SGCZ: variants seen among roughly 807,000 people sequenced by gnomAD.
SGCZ encodes the protein sarcoglycan zeta, also known as zeta-sarcoglycan.
Under a neutral mutation model 41.3 loss-of-function variants are expected in SGCZ, and 40 were observed. That is an observed-to-expected ratio of 0.97 (90% CI 0.75 to 1.26). The LOEUF is 1.26. Ranked by LOEUF, SGCZ falls within the 50% of genes most tolerant of loss-of-function variation. The pLI, the probability that SGCZ is intolerant of heterozygous loss-of-function variation, is 0.00. For synonymous variants in SGCZ, 206 were observed against 137.5 expected (o/e 1.50, Z -3.49); for missense variants, 552 against 369.8 (o/e 1.49, Z -4.04).
At chr8:14,185,499 TA>T (rs1296970256) in intron 4 of SGCZ, among the ~76,000 whole-genome samples, 3 of 152,010 alleles carry the variant, frequency 2.0e-5, no homozygotes, top group African/African-American at 7.3e-5. Context: ...CCATATACTT[TA>T]TTTTTTTTCA....
At chr8:14,795,789 C>G (rs937076228) in intron 1 of SGCZ, among the ~76,000 whole-genome samples, 6 of 151,950 alleles carry the variant, frequency 3.9e-5, no homozygotes, top group African/African-American at 1.5e-4. Context: ...AAGCCTAGTA[C>G]CCATTAGTTA....
At chr8:14,478,167 T>C (rs549788773) in intron 2 of SGCZ, among the ~76,000 whole-genome samples, 1 of 152,356 alleles carries the variant, frequency 6.6e-6, no homozygotes, top group East Asian at 1.9e-4. Flanking sequence ...AATCTTATCA[T>C]ATAATCTAGC....
At chr8:14,878,817 T>A (rs1280323533) in intron 1 of SGCZ, among the ~76,000 whole-genome samples, 1 of 152,218 alleles carries the variant, frequency 6.6e-6, no homozygotes, top group African/African-American at 2.4e-5. Context: ...GTGTGATTTC[T>A]ACTTCAGTAA....
At position 14,532,154 on chromosome 8, in the gene SGCZ, T is replaced by C. The variant is rs76138122; in HGVS notation, c.234+22578A>G. Among the ~76,000 whole-genome samples the C allele has an allele frequency of 2.0e-3, 311 of 152,174 alleles. 3 individuals carry two copies. The highest frequency in any genetic ancestry group is 1.4e-3 in the Non-Finnish European group (96 of 67,994). ...ATGGCATTTTATGAAGACCTAGAGA[T>C]TGAGGTATGCTTGTGTGATCAAAGT... On this transcript the variant is annotated intron_variant, in intron 2 of 7. Transcript: ENST00000382080.
Position 14,130,134 on chromosome 8 carries a change from T to C in SGCZ, c.548-21899A>G, listed in dbSNP as rs187664786. 2.4e-4 allele frequency among the ~76,000 whole-genome samples: 37 copies of C among 152,314 alleles called. 1 individual carries two copies. The highest frequency in any genetic ancestry group is 4.0e-4 in the Non-Finnish European group (27 of 68,022). ...TGGAACTAGTATAAGGACAGACATGTAGGCCAATAGAATAAAATTGAAATT... is the reference window on the plus strand; with the variant it reads ...TGGAACTAGTATAAGGACAGACATGCAGGCCAATAGAATAAAATTGAAATT... On this transcript the variant is annotated intron_variant, in intron 5 of 7. Transcript: ENST00000382080.
chr8:15,050,599 A>C (rs1398995051), intron 1 of SGCZ, among the ~76,000 whole-genome samples: 1 of 152,110 alleles, frequency 6.6e-6, no homozygotes, highest in Admixed American at 6.6e-5. Flanking sequence ...AAGAGAAATA[A>C]CCTGTGCAGA....
intron 1 of SGCZ, among the ~76,000 whole-genome samples, chr8:14,598,732 G>A (rs1805494672): frequency 6.6e-6 from 1 of 151,926 alleles, no homozygotes; most frequent in Non-Finnish European, 1.5e-5. Context: ...TTTTTGCCAA[G>A]TAGCCCAGGC....
chr8:14,863,798 C>G (rs115600553), intron 1 of SGCZ, among the ~76,000 whole-genome samples: 3,699 of 152,174 alleles, frequency 0.024, 54 homozygotes, highest in Middle Eastern at 0.048. Context: ...TTATCCACAT[C>G]ATGTGAAGAC....
intron 1 of SGCZ, among the ~76,000 whole-genome samples, chr8:14,614,532 A>G (rs539257969): frequency 4.9e-4 from 75 of 152,282 alleles, no homozygotes; most frequent in African/African-American, 1.8e-3. Flanking sequence ...AGATATATCT[A>G]TTAAAGACTA....
chr8:14,661,168 T>C (rs1807736183), intron 1 of SGCZ, among the ~76,000 whole-genome samples: 1 of 152,134 alleles, frequency 6.6e-6, no homozygotes, highest in Admixed American at 6.6e-5. Flanking sequence ...TTTTATCATT[T>C]AGGTAGTTTG....
chr8:15,204,868 T>C (rs975693404), intron 1 of SGCZ, among the ~76,000 whole-genome samples: 2 of 152,190 alleles, frequency 1.3e-5, no homozygotes, highest in East Asian at 1.9e-4. Flanking sequence ...CAGGATTATA[T>C]ACGATTCAGT....
chr8:14,347,047 C>T (rs1285061392), intron 2 of SGCZ, among the ~76,000 whole-genome samples: 1 of 151,930 alleles, frequency 6.6e-6, no homozygotes, highest in African/African-American at 2.4e-5. Context: ...TGCATCTGTC[C>T]TTAATCAGCC....
At chr8:14,261,663 C>T (rs17228471) in intron 3 of SGCZ, among the ~76,000 whole-genome samples, 44,441 of 151,912 alleles carry the variant, frequency 0.29, 7,320 homozygotes, top group African/African-American at 0.42. Context: ...CAAAGAGTAA[C>T]GTTGATCATA....
chr8:15,074,679 G>A (rs888447654), intron 1 of SGCZ, among the ~76,000 whole-genome samples: 1 of 151,906 alleles, frequency 6.6e-6, no homozygotes, highest in Non-Finnish European at 1.5e-5. Context: ...AAATGCTCAC[G>A]TTTCCTCCCG....
intron 4 of SGCZ, among the ~76,000 whole-genome samples, chr8:14,210,078 G>A (rs1018237550): frequency 6.6e-6 from 1 of 152,044 alleles, no homozygotes; most frequent in Non-Finnish European, 1.5e-5. Flanking sequence ...CTTTCTTTGA[G>A]ACAGGGTCTC....
intron 1 of SGCZ, among the ~76,000 whole-genome samples, chr8:14,638,492 T>C (rs1806909656): frequency 6.6e-6 from 1 of 151,868 alleles, no homozygotes; most frequent in African/African-American, 2.4e-5. Flanking sequence ...AATCACTTTC[T>C]TAAAGTCCAT....
chr8:14,580,266 T>C (rs986324545), intron 1 of SGCZ, among the ~76,000 whole-genome samples: 26 of 152,328 alleles, frequency 1.7e-4, no homozygotes, highest in Non-Finnish European at 1.0e-4. Flanking sequence ...CACGATAATT[T>C]TGATTATCAG....
At chr8:14,484,014 T>A (rs1463386006) in intron 2 of SGCZ, among the ~76,000 whole-genome samples, 1 of 152,172 alleles carries the variant, frequency 6.6e-6, no homozygotes, top group African/African-American at 2.4e-5. Context: ...TTTCTACACC[T>A]TAATGACCAT....
chr8:14,659,861 G>C (rs1353124187), intron 1 of SGCZ, among the ~76,000 whole-genome samples: 1 of 152,136 alleles, frequency 6.6e-6, no homozygotes, highest in Non-Finnish European at 1.5e-5. Flanking sequence ...GATCATACAG[G>C]AGTACCTATT....
Sources: gnomAD v4.1 joint callset for allele counts (sites outside exome capture counted in the v4.1 genomes callset) on GRCh38, gnomAD v4.1.1 for gene constraint, MANE v1.5 for transcripts, NCBI Gene and HGNC (gene_info 2026-07-23, HGNC 2026-07-21) for gene names.